The following NUDCD1 variants were observed in gnomAD, a reference collection of about 807,000 sequenced individuals.
NUDCD1 encodes the protein nudC domain-containing protein 1.
Under a neutral mutation model 67.8 loss-of-function variants are expected in NUDCD1, and 60 were observed. The observed-to-expected ratio is 0.88, with a 90% CI of 0.72 to 1.10. NUDCD1 has a LOEUF of 1.10. Among genes scored for constraint, NUDCD1 ranks in the 50% least tolerant of loss-of-function variants. The pLI is 0.00. For missense variants in NUDCD1, 643 were observed against 695.0 expected (o/e 0.93, Z 0.84); for synonymous variants, 244 against 230.8 (o/e 1.06, Z -0.52).
chr8:109,326,857 G>A (rs563639385), intron 1 of NUDCD1, among the ~76,000 whole-genome samples: 1 of 152,162 alleles, frequency 6.6e-6, no homozygotes, highest in Non-Finnish European at 1.5e-5. Context: ...CACAAACAGT[G>A]AATAAAACAG....
chr8:109,333,834 G>A (rs1458844303), intron 1 of NUDCD1, 59 bp downstream of exon 1: 12 of 1,589,710 alleles, frequency 7.5e-6, no homozygotes, highest in East Asian at 2.2e-5. Flanking sequence ...GGAAGGGTCA[G>A]GCCGGAGGCA....
chr8:109,289,467 C>T (rs956571916), intron 5 of NUDCD1, among the ~76,000 whole-genome samples: 1 of 152,052 alleles, frequency 6.6e-6, no homozygotes, highest in African/African-American at 2.4e-5. Flanking sequence ...AGCAAATAGA[C>T]ATTTATTTGA....
chr8:109,243,494 T>C (rs996527657), intron 9 of NUDCD1, among the ~76,000 whole-genome samples, 193 bp from the exon 10 acceptor site: 1 of 152,120 alleles, frequency 6.6e-6, no homozygotes, highest in Non-Finnish European at 1.5e-5. Flanking sequence ...GGTACAAAAA[T>C]ACGACTTTAA....
At chr8:109,264,754 C>T (rs1442550738) in intron 8 of NUDCD1, among the ~76,000 whole-genome samples, 6 of 151,622 alleles carry the variant, frequency 4.0e-5, no homozygotes, top group Non-Finnish European at 8.8e-5. Context: ...TATCATATTG[C>T]AAGAGATTGA....
Position 109,296,625 on chromosome 8 carries a change from CA to C in NUDCD1, c.274-57del, listed in dbSNP as rs2130044930. The C allele has an allele frequency of 2.6e-6, 3 of 1,165,070 alleles. No individual in the cohort carries two copies. In the South Asian group the frequency reaches 4.5e-5, roughly 18 times the overall value. 72.2% of individuals were successfully genotyped at this position (1,165,070 alleles called of 1,614,324 possible). On this transcript the variant is annotated intron_variant, in intron 2 of 9. Coordinates refer to ENST00000239690, the MANE Select transcript of NUDCD1 (RefSeq NM_032869.4). ...CTTCCTCTTCACTGATCCACACACA[CA>C]AAATAAATATCTGCGGTGTGGTGGT...
chr8:109,282,119 C>T (rs530381786), intron 5 of NUDCD1, among the ~76,000 whole-genome samples: 2 of 152,184 alleles, frequency 1.3e-5, no homozygotes, highest in Non-Finnish European at 2.9e-5. Flanking sequence ...GGTGTCCACA[C>T]CTGCCACTGG....
At chr8:109,261,020 G>T (rs926502646) in intron 8 of NUDCD1, among the ~76,000 whole-genome samples, 5 of 152,132 alleles carry the variant, frequency 3.3e-5, no homozygotes, top group East Asian at 1.9e-4. Context: ...AATATTTGTA[G>T]AACACTTTAA....
chr8:109,305,386 G>C (rs185910610), intron 2 of NUDCD1, among the ~76,000 whole-genome samples: 1 of 152,030 alleles, frequency 6.6e-6, no homozygotes, highest in Non-Finnish European at 1.5e-5. Context: ...CACCCAAGCA[G>C]TTTCTCAGTC....
At chr8:109,313,650 G>C (rs1815314645) in intron 2 of NUDCD1, 1 of 341,426 alleles carries the variant, frequency 2.9e-6, no homozygotes, top group East Asian at 7.8e-5. Context: ...CAAAGTAAAG[G>C]TTTCTAGTTG....
chr8:109,269,013 T>C (rs1262283042), intron 8 of NUDCD1, among the ~76,000 whole-genome samples: 1 of 152,144 alleles, frequency 6.6e-6, no homozygotes. Context: ...TACTCTTCAA[T>C]TAGAAGAGTA....
rs1378993173 is a variant in NUDCD1 at position 109,263,598 on chromosome 8, T to C, written c.1299+7407A>G. Among the ~76,000 whole-genome samples the C allele has an allele frequency of 2.6e-5, 4 of 152,208 alleles. No homozygotes were observed. The East Asian group carries it at 7.7e-4, about 29-fold the overall frequency. On this transcript the variant is annotated intron_variant, in intron 8 of 9. Coordinates refer to ENST00000239690, the MANE Select transcript of NUDCD1 (RefSeq NM_032869.4). ...TAAAATCTCAGAACCTTCACAGTTC[T>C]TGACGTAACTATTATTCTGTAACTT...
rs1239988541 is a variant in NUDCD1, at chr8:109,322,328, A to G, written c.254T>C (p.Met85Thr). ...VYYIDTLGRI[M>T]NLTVMLDTAL... ...TCTTACCAGCATTACTGTTAAATTC[A>G]TAATTCTTCCAAGGGTATCAATATA... The change falls in exon 2 of 10, where the codon ATG becomes ACG. Residue 85 changes from methionine (M) to threonine (T), a missense_variant. Coordinates refer to ENST00000239690, the MANE Select transcript of NUDCD1 (RefSeq NM_032869.4). 6.5e-7 allele frequency: 1 copy of G among 1,543,556 alleles called. No individual in the cohort carries two copies. The highest frequency in any genetic ancestry group is 8.9e-7 in the Non-Finnish European group (1 of 1,122,858).
At chr8:109,264,761 TTGAA>T (rs1813953473) in intron 8 of NUDCD1, among the ~76,000 whole-genome samples, 2 of 151,990 alleles carry the variant, frequency 1.3e-5, no homozygotes, top group African/African-American at 4.8e-5. Flanking sequence ...TTGCAAGAGA[TTGAA>T]TGCAGAAGCA....
rs1436016918 is a variant in NUDCD1, at chr8:109,242,202, T to C, written c.*807A>G. On this transcript the variant is annotated 3_prime_UTR_variant, in exon 10 of 10. Transcript: ENST00000239690. ...TCCAATGGAACATTAGTAAATATGA[T>C]AGATGTACAGGATCGATAAGCTCTT... 2.5e-6 allele frequency: 1 copy of C among 397,544 alleles called. No individual in the cohort carries two copies. The highest frequency in any genetic ancestry group is 3.6e-5 in the East Asian group (1 of 28,068). The allele number at this position is 397,544 out of a possible 1,614,324, so 24.6% of individuals were successfully genotyped here.
chr8:109,290,848 T>C (rs1042070721), intron 4 of NUDCD1, among the ~76,000 whole-genome samples: 1 of 152,194 alleles, frequency 6.6e-6, no homozygotes, highest in African/African-American at 2.4e-5. Context: ...AGTTTTTACA[T>C]AATAATACCA....
rs200527888 is a variant in NUDCD1, at chr8:109,243,118, G to A, written c.1643C>T (p.Ala548Val). The A allele has an allele frequency of 1.4e-4, 227 of 1,613,788 alleles. 3 individuals carry two copies. In the South Asian group the frequency reaches 2.3e-3, roughly 16 times the overall value. Residue 548 changes from alanine (A) to valine (V), a missense_variant, in exon 10 of 10, where the codon GCA becomes GTA. By Grantham distance (64) the Ala-to-Val change is moderately conservative. Transcript: ENST00000239690. ...QVGQVAKQQV[A>V]SLETNDPILG... ...AATAGGATCATTGGTTTCTAGGCTT[G>A]CTACTTGCTGCTTAGCAACCTGTCC...
intron 5 of NUDCD1, among the ~76,000 whole-genome samples, chr8:109,284,455 C>T (rs968060388): frequency 3.3e-5 from 5 of 152,082 alleles, no homozygotes; most frequent in Admixed American, 6.6e-5. Flanking sequence ...GAATACCCCA[C>T]CCATCAACCA....
chr8:109,279,485 T>A (rs1250510785), intron 6 of NUDCD1, among the ~76,000 whole-genome samples: 3 of 127,246 alleles, frequency 2.4e-5, no homozygotes, highest in African/African-American at 8.4e-5. Flanking sequence ...ACACTAAGAA[T>A]GAAAGTCCTT....
intron 5 of NUDCD1, among the ~76,000 whole-genome samples, chr8:109,283,400 C>T (rs1308490900): frequency 2.0e-5 from 3 of 152,114 alleles, no homozygotes; most frequent in African/African-American, 7.2e-5. Flanking sequence ...TTTCCCTAAT[C>T]CTGCTAGAGA....
Sources: allele counts gnomAD v4.1 joint callset (sites outside exome capture counted in the v4.1 genomes callset), GRCh38; gene constraint gnomAD v4.1.1; transcripts MANE v1.5; gene names NCBI Gene and HGNC (gene_info 2026-07-23, HGNC 2026-07-21).